CUX2: variants seen among roughly 807,000 people sequenced by gnomAD.
CUX2 encodes the protein homeobox protein cut-like 2.
Under a neutral mutation model 144.8 loss-of-function variants are expected in CUX2, and 40 were observed. That is an observed-to-expected ratio of 0.28 (90% CI 0.21 to 0.36). The LOEUF is 0.36. Ranked by LOEUF, CUX2 falls within the 10% of genes least tolerant of loss-of-function variation. CUX2 has a pLI of 1.00. For missense variants in CUX2, 1,615 were observed against 1,994.0 expected (o/e 0.81, Z 3.62); for synonymous variants, 827 against 875.6 (o/e 0.94, Z 0.98).
chr12:111,214,419 C>A, intron 2 of CUX2, 109 bp downstream of exon 2: 1 of 638,762 alleles, frequency 1.6e-6, no homozygotes, highest in Non-Finnish European at 2.6e-6. Flanking sequence ...AGAAAAGAAG[C>A]TAATTAGCCA....
intron 1 of CUX2, among the ~76,000 whole-genome samples, chr12:111,126,046 G>C (rs985408459): frequency 1.7e-4 from 25 of 148,366 alleles, no homozygotes; most frequent in Non-Finnish European, 3.5e-4. Flanking sequence ...TGGTGGCGTG[G>C]GGGGGGCGGA....
At chr12:111,224,258 G>A (rs549004642) in intron 3 of CUX2, among the ~76,000 whole-genome samples, 2 of 152,030 alleles carry the variant, frequency 1.3e-5, no homozygotes, top group African/African-American at 4.8e-5. Context: ...CGTCGGTGGG[G>A]AAGGGTAGTC....
chr12:111,229,696 G>A (rs1400666996), intron 3 of CUX2, among the ~76,000 whole-genome samples: 1 of 152,076 alleles, frequency 6.6e-6, no homozygotes, highest in African/African-American at 2.4e-5. Context: ...GAGCTCAGGA[G>A]GTCAAGACCA....
intron 1 of CUX2, among the ~76,000 whole-genome samples, chr12:111,092,960 TA>T (rs1872628366): frequency 6.6e-6 from 1 of 151,926 alleles, no homozygotes; most frequent in Admixed American, 6.6e-5. Context: ...GAACCACAGG[TA>T]CATGCCAACA....
In CUX2 at chr12:111,277,537, C is replaced by T. The variant is rs910410744; in HGVS notation, c.301+13698C>T. Reference sequence around the variant, plus strand: ...CCCATTTAGCGCCACCCAGCCCACCCTCTCCCCCAGCCCTGCTTCATTTTG... The same window carrying T: ...CCCATTTAGCGCCACCCAGCCCACCTTCTCCCCCAGCCCTGCTTCATTTTG... On this transcript the variant is annotated intron_variant, in intron 4 of 21. Transcript: ENST00000261726. The surrounding 1 kb of genome is among the most constrained non-coding windows in gnomAD (Gnocchi z 5.0). Among the ~76,000 whole-genome samples the T allele has an allele frequency of 6.6e-6, 1 of 152,090 alleles. No homozygotes were observed. Among genetic ancestry groups the T allele is most frequent in the African/African-American group, 2.4e-5 (1 of 41,404 alleles).
chr12:111,201,002 A>G (rs1880549143), intron 1 of CUX2, among the ~76,000 whole-genome samples: 1 of 152,136 alleles, frequency 6.6e-6, no homozygotes, highest in African/African-American at 2.4e-5. Context: ...GGGGGAGGTC[A>G]GGCACTCGGC....
In CUX2 at chr12:111,119,608, G is replaced by A. The variant is rs77493786; in HGVS notation, c.63+85368G>A. Among the ~76,000 whole-genome samples the A allele has an allele frequency of 4.7e-3, 713 of 152,280 alleles. 4 individuals carry two copies. Among genetic ancestry groups the A allele is most frequent in the African/African-American group, 0.016 (666 of 41,572 alleles). ...ACTTACTCATCTGATAGGCAAAAAC[G>A]TTGACTTGAGCATTGATGGACTGGA... On this transcript the variant is annotated intron_variant, in intron 1 of 21. Transcript: ENST00000261726.
intron 1 of CUX2, among the ~76,000 whole-genome samples, chr12:111,047,653 G>A (rs1405952145): frequency 2.0e-5 from 3 of 152,136 alleles, no homozygotes; most frequent in Non-Finnish European, 4.4e-5. Context: ...CACAAGACTC[G>A]AACCCAGACA....
At chr12:111,114,887 A>G (rs955496171) in intron 1 of CUX2, among the ~76,000 whole-genome samples, 9 of 152,172 alleles carry the variant, frequency 5.9e-5, no homozygotes, top group African/African-American at 2.2e-4. Flanking sequence ...CTTTATGGAT[A>G]TCCATTTGTT....
intron 1 of CUX2, among the ~76,000 whole-genome samples, chr12:111,105,318 A>G (rs1437394727): frequency 6.6e-6 from 1 of 152,240 alleles, no homozygotes; most frequent in Non-Finnish European, 1.5e-5. Flanking sequence ...ATGATCAGCC[A>G]TGGCCTCGGG....
At chr12:111,036,001 G>C (rs551309630) in intron 1 of CUX2, among the ~76,000 whole-genome samples, 1 of 152,298 alleles carries the variant, frequency 6.6e-6, no homozygotes, top group South Asian at 2.1e-4. Context: ...CATTGGGCTT[G>C]GCACGAAGGC....
intron 1 of CUX2, among the ~76,000 whole-genome samples, chr12:111,055,631 C>T (rs1178693037): frequency 2.6e-5 from 4 of 152,360 alleles, no homozygotes; most frequent in East Asian, 1.9e-4. Flanking sequence ...TCCTGCCTCC[C>T]GCCTGGCCCC....
At position 111,255,479 on chromosome 12, in the gene CUX2, G is replaced by A. The variant is rs117840444; in HGVS notation, c.223-8282G>A. Among the ~76,000 whole-genome samples the A allele has an allele frequency of 0.018, 2,701 of 152,276 alleles. 38 individuals carry two copies. The highest frequency in any genetic ancestry group is 0.028 in the Non-Finnish European group (1,925 of 68,012). On this transcript the variant is annotated intron_variant, in intron 3 of 21. Coordinates refer to ENST00000261726, the MANE Select transcript of CUX2 (RefSeq NM_015267.4). This position sits in a 1 kb window ranked among gnomAD's most constrained non-coding sequence, Gnocchi z 4.1. Reference sequence around the variant, plus strand: ...GTCCTGCAGCTCCTCCTGGCCTCCCGTCCCCCACCTACCTGCCGGCCTGGC... The same window carrying A: ...GTCCTGCAGCTCCTCCTGGCCTCCCATCCCCCACCTACCTGCCGGCCTGGC...
chr12:111,275,217 C>A (rs1015887897), intron 4 of CUX2, among the ~76,000 whole-genome samples: 1 of 152,158 alleles, frequency 6.6e-6, no homozygotes, highest in African/African-American at 2.4e-5. Flanking sequence ...CCCACGGTGT[C>A]CCCCATCCCT....
rs1871610375 is a variant in CUX2, at chr12:111,077,575, A to G, written c.63+43335A>G. Among the ~76,000 whole-genome samples, 7 of 152,220 alleles carry G rather than the reference A, an allele frequency of 4.6e-5. No individual in the cohort carries two copies. On this transcript the variant is annotated intron_variant, in intron 1 of 21. Coordinates refer to ENST00000261726, the MANE Select transcript of CUX2 (RefSeq NM_015267.4). This position sits in a 1 kb window ranked among gnomAD's most constrained non-coding sequence, Gnocchi z 4.1. Reference sequence around the variant, plus strand: ...TTTCGATGTCAGCAGCTCTCTTGATAACGTATGAAAGAATCCTATTCTGTT... The same window carrying G: ...TTTCGATGTCAGCAGCTCTCTTGATGACGTATGAAAGAATCCTATTCTGTT...
chr12:111,121,101 C>CAAAA (rs768230942), intron 1 of CUX2, among the ~76,000 whole-genome samples: 6 of 81,572 alleles, frequency 7.4e-5, no homozygotes, highest in Admixed American at 1.4e-4. Context: ...GTTGTTACCA[C>CAAAA]AAAAAAAAAA....
chr12:111,153,747 A>C (rs898866689), intron 1 of CUX2, among the ~76,000 whole-genome samples: 1 of 152,126 alleles, frequency 6.6e-6, no homozygotes. Flanking sequence ...ATCACTTACT[A>C]CTGATGGCCT....
chr12:111,349,861 C>A lies in CUX2; in HGVS notation c.*1536C>A, dbSNP rs1435505833. 2 of 152,158 alleles carry A rather than the reference C, an allele frequency of 1.3e-5. No homozygotes were observed. Among genetic ancestry groups the A allele is most frequent in the East Asian group, 3.9e-4 (2 of 5,194 alleles). The allele number at this position is 152,158 out of a possible 1,614,324, so 9.4% of individuals were successfully genotyped here. A position where few individuals can be genotyped will look rare whatever the true frequency, so the allele number is the denominator to read the frequency against. On this transcript the variant is annotated 3_prime_UTR_variant, in exon 22 of 22. Coordinates refer to ENST00000261726, the MANE Select transcript of CUX2 (RefSeq NM_015267.4). ...AATATAATCAATGCCAATGTAATGC[C>A]AGCGGGTGAGATGGCCGATGGAGGT... is the stretch of plus-strand genomic sequence containing the variant.
In CUX2 at chr12:111,309,930, G is replaced by A. The variant is rs1267544521; in HGVS notation, c.1259-111G>A. 9 of 972,196 alleles carry A rather than the reference G, an allele frequency of 9.3e-6. No individual in the cohort carries two copies. In the Admixed American group the frequency reaches 2.1e-4, roughly 23 times the overall value. 60.2% of individuals were successfully genotyped at this position (972,196 alleles called of 1,614,324 possible). A position where few individuals can be genotyped will look rare whatever the true frequency, so the allele number is the denominator to read the frequency against. On this transcript the variant is annotated intron_variant, in intron 14 of 21. Transcript: ENST00000261726. ...GTTTCTCTCTCTGTCTCTCTTTCTCGTTGTCTCTCTCTGTCTCTCTCCCCC... is the reference window on the plus strand; with the variant it reads ...GTTTCTCTCTCTGTCTCTCTTTCTCATTGTCTCTCTCTGTCTCTCTCCCCC...
Sources: allele counts gnomAD v4.1 joint callset (sites outside exome capture counted in the v4.1 genomes callset), GRCh38; gene constraint gnomAD v4.1.1; non-coding constraint Gnocchi (gnomAD v3.1); transcripts MANE v1.5; gene names NCBI Gene and HGNC (gene_info 2026-07-23, HGNC 2026-07-21).